Variants in CPS1 observed in about 807,000 individuals in gnomAD.
CPS1 encodes the protein carbamoyl-phosphate synthase [ammonia], mitochondrial.
A neutral mutation model predicts 174.6 loss-of-function variants in CPS1; 109 were observed. The observed-to-expected ratio is 0.62, with a 90% CI of 0.53 to 0.73. CPS1 has a LOEUF of 0.73. Among genes scored for constraint, CPS1 ranks in the 30% least tolerant of loss-of-function variants. The pLI is 0.00. For missense variants in CPS1, 1,689 were observed against 1,821.9 expected, an observed-to-expected ratio of 0.93 and a Z score of 1.33; for synonymous variants, 637 against 632.0, an observed-to-expected ratio of 1.01 and a Z score of -0.12.
At chr2:210,501,761 C>T (rs991399441) in intron 1 of CPS1, among the ~76,000 whole-genome samples, 3 of 152,290 alleles carry the variant, frequency 2.0e-5, no homozygotes, top group African/African-American at 7.2e-5. Context: ...TTTCTCACAT[C>T]TTCCTGTCTT....
At chr2:210,617,066 CAG>C (rs965637788) in intron 21 of CPS1, among the ~76,000 whole-genome samples, 1 of 151,980 alleles carries the variant, frequency 6.6e-6, no homozygotes, top group Non-Finnish European at 1.5e-5. Flanking sequence ...TTTCTCTTAA[CAG>C]ACTCTTCACC....
At chr2:210,480,569 A>T (rs1249601530) in intron 1 of CPS1, among the ~76,000 whole-genome samples, 1 of 152,126 alleles carries the variant, frequency 6.6e-6, no homozygotes, top group Non-Finnish European at 1.5e-5. Flanking sequence ...GATCCTTGTT[A>T]GCTGGTGGGT....
intron 1 of CPS1, among the ~76,000 whole-genome samples, chr2:210,564,580 G>A (rs1697228963): frequency 6.6e-6 from 1 of 152,078 alleles, no homozygotes; most frequent in East Asian, 1.9e-4. Context: ...GTTTCACCGT[G>A]TTAGCCAGGA....
Position 210,636,599 on chromosome 2 carries a change from A to G in CPS1, c.2688-1103A>G, listed in dbSNP as rs186038205. Among the ~76,000 whole-genome samples the G allele has an allele frequency of 4.3e-3, 655 of 152,156 alleles. 4 individuals carry two copies. Among genetic ancestry groups the G allele is most frequent in the African/African-American group, 0.015 (614 of 41,510 alleles). On this transcript the variant is annotated intron_variant, in intron 21 of 37. Transcript: ENST00000233072. ...AATCCAGCAGGAAAAAGCCTGATTGACGAATAAAAGTTAGGAGACATTAAA... is the reference window on the plus strand; with the variant it reads ...AATCCAGCAGGAAAAAGCCTGATTGGCGAATAAAAGTTAGGAGACATTAAA...
At chr2:210,512,857 T>TAG (rs1695543755) in intron 1 of CPS1, among the ~76,000 whole-genome samples, 1 of 56,236 alleles carries the variant, frequency 1.8e-5, no homozygotes, top group African/African-American at 5.8e-5. Context: ...GAGATATATA[T>TAG]ATATAGATAT....
chr2:210,592,815 T>C (rs982557725), intron 10 of CPS1, 64 bp from the exon 11 acceptor site: 2 of 1,469,262 alleles, frequency 1.4e-6, no homozygotes, highest in African/African-American at 1.4e-5. Context: ...CCCTGAATAA[T>C]ACATAGCCAC....
At chr2:210,589,533 C>A (rs759644710) in intron 7 of CPS1, among the ~76,000 whole-genome samples, 2 of 151,974 alleles carry the variant, frequency 1.3e-5, no homozygotes. Context: ...TGCAACTGGT[C>A]GTGTGAAGGT....
intron 33 of CPS1, among the ~76,000 whole-genome samples, chr2:210,663,780 T>G (rs1385434267): frequency 6.6e-6 from 1 of 152,128 alleles, no homozygotes; most frequent in African/African-American, 2.4e-5. Context: ...GAAATGTGTT[T>G]CTTGTAAAGA....
chr2:210,635,571 A>T (rs1174990470), intron 21 of CPS1, among the ~76,000 whole-genome samples: 1 of 152,172 alleles, frequency 6.6e-6, no homozygotes, highest in Admixed American at 6.5e-5. Flanking sequence ...GTCTTAAAAG[A>T]TTTAATTAGT....
intron 20 of CPS1, 29 bp from the exon 21 acceptor site, chr2:210,616,394 A>T: frequency 6.7e-7 from 1 of 1,486,450 alleles, no homozygotes; most frequent in Non-Finnish European, 9.4e-7. Context: ...AATGTTTGCC[A>T]AAGAAAGTAT....
intron 34 of CPS1, chr2:210,671,478 T>C (rs2105937353): frequency 6.6e-6 from 1 of 152,322 alleles, no homozygotes; most frequent in African/African-American, 2.4e-5. Flanking sequence ...TATTTTTCAC[T>C]TTTAAAGGAC....
chr2:210,556,168 TA>T (rs2106035983), upstream of CPS1, among the ~76,000 whole-genome samples: 1 of 152,168 alleles, frequency 6.6e-6, no homozygotes, highest in South Asian at 2.1e-4. Flanking sequence ...TTACAAATAG[TA>T]AAAATGCTAT....
intron 7 of CPS1, among the ~76,000 whole-genome samples, chr2:210,589,840 G>A (rs1698225137): frequency 6.6e-6 from 1 of 151,710 alleles, no homozygotes; most frequent in African/African-American, 2.4e-5. Flanking sequence ...GGTAGAGATA[G>A]GGTTTTGCCC....
chr2:210,677,068 G>A lies in CPS1; in HGVS notation c.4336G>A (p.Val1446Ile). The A allele has an allele frequency of 1.2e-6, 2 of 1,613,546 alleles. No individual in the cohort carries two copies. Among genetic ancestry groups the A allele is most frequent in the Non-Finnish European group, 1.7e-6 (2 of 1,179,524 alleles). Reference protein sequence around the residue: ...INLPNNNTKFVHDNYVIRRTA... With the variant: ...INLPNNNTKFIHDNYVIRRTA... ...CCTTCCCAACAACAACACTAAATTT[G>A]TCCATGATAATTATGTGATTCGGAG... The change falls in exon 37 of 38, where the codon GTC becomes ATC. Residue 1446 changes from valine to isoleucine, a missense_variant. Val to Ile is a conservative substitution (Grantham distance 29). Coordinates refer to ENST00000233072, the MANE Select transcript of CPS1 (RefSeq NM_001875.5).
rs1224539507 is a variant in CPS1, at chr2:210,512,871, T to TAG, written c.3+35106_3+35107insGA. ...GGAGATATATATATATAGATATATATATATAGAGATATATATATGGAGATA... is the reference window on the plus strand; with the variant it reads ...GGAGATATATATATATAGATATATATAGATATAGAGATATATATATGGAGATA... On this transcript the variant is annotated intron_variant, in intron 1 of 38. Coordinates refer to the CPS1 transcript ENST00000430249. Among the ~76,000 whole-genome samples the TAG allele has an allele frequency of 2.7e-4, 13 of 47,934 alleles. 3 individuals are homozygous for TAG. The South Asian group carries it at 6.6e-3, about 24-fold the overall frequency. The allele number at this position is 47,934 out of a possible 152,430, so 31.4% of individuals were successfully genotyped here.
chr2:210,521,125 C>G (rs1165429228), intron 1 of CPS1, among the ~76,000 whole-genome samples: 2 of 152,022 alleles, frequency 1.3e-5, no homozygotes, highest in African/African-American at 4.8e-5. Flanking sequence ...GCTAGTCTTT[C>G]AAATTGTAGC....
chr2:210,663,754 G>A (rs943527900), intron 33 of CPS1, among the ~76,000 whole-genome samples: 1 of 152,058 alleles, frequency 6.6e-6, no homozygotes, highest in African/African-American at 2.4e-5. Context: ...TCAGCTGAAG[G>A]TTTCTTTAGG....
Position 210,524,934 on chromosome 2 carries a change from G to A in CPS1, c.4-31785G>A, listed in dbSNP as rs528982247. 3.3e-5 allele frequency among the ~76,000 whole-genome samples: 5 copies of A among 152,000 alleles called. No homozygotes were observed. The South Asian group carries it at 8.3e-4, about 25-fold the overall frequency. ...GTAGTCCTAACTTATACCAAATCTGGTAAAGTAAGAAGTATTAGTTTTTAC... is the reference window on the plus strand; with the variant it reads ...GTAGTCCTAACTTATACCAAATCTGATAAAGTAAGAAGTATTAGTTTTTAC... On this transcript the variant is annotated intron_variant, in intron 1 of 38. Transcript: ENST00000430249.
At chr2:210,607,325 G>A (rs1325938499) in intron 18 of CPS1, among the ~76,000 whole-genome samples, 1 of 151,868 alleles carries the variant, frequency 6.6e-6, no homozygotes, top group Non-Finnish European at 1.5e-5. Flanking sequence ...AGAAAATATA[G>A]CTCACTTGAC....
Sources: allele counts gnomAD v4.1 joint callset (sites outside exome capture counted in the v4.1 genomes callset), GRCh38; gene constraint gnomAD v4.1.1; transcripts MANE v1.5; gene names NCBI Gene and HGNC (gene_info 2026-07-23, HGNC 2026-07-21).